Variants in KDM4B observed in about 807,000 individuals in gnomAD.
KDM4B encodes lysine demethylase 4B.
A neutral mutation model predicts 125.2 loss-of-function variants in KDM4B; 32 were observed. That is an observed-to-expected ratio of 0.26 (90% CI 0.19 to 0.34). KDM4B has a LOEUF of 0.34. KDM4B is among the 10% of genes least tolerant of loss of function. KDM4B has a pLI of 1.00. For synonymous variants in KDM4B, 721 were observed against 677.9 expected, an observed-to-expected ratio of 1.06 and a Z score of -0.99; for missense variants, 1,190 against 1,577.7, an observed-to-expected ratio of 0.75 and a Z score of 4.16.
intron 1 of KDM4B, among the ~76,000 whole-genome samples, chr19:5,015,846 C>T (rs769550359): frequency 5.9e-5 from 9 of 152,244 alleles, no homozygotes; most frequent in Non-Finnish European, 1.3e-4. Context: ...GCCCCCCTCT[C>T]TCCCCGTGCT....
chr19:5,145,892 T>A (rs2039832579), intron 21 of KDM4B, among the ~76,000 whole-genome samples: 1 of 152,158 alleles, frequency 6.6e-6, no homozygotes. Context: ...GGAGTTCAGC[T>A]CTTTACCACG....
intron 1 of KDM4B, among the ~76,000 whole-genome samples, chr19:4,982,334 C>T (rs2034669790): frequency 6.6e-6 from 1 of 150,420 alleles, no homozygotes. Flanking sequence ...TGCCTGTAAT[C>T]CCAGCTACTC....
At chr19:4,999,182 C>T (rs2035292557) in intron 1 of KDM4B, among the ~76,000 whole-genome samples, 1 of 152,154 alleles carries the variant, frequency 6.6e-6, no homozygotes, top group Non-Finnish European at 1.5e-5. Flanking sequence ...GGACAGCTGT[C>T]CCTTGTTCCT....
Position 5,060,433 on chromosome 19 carries a change from C to CAAAAAAAAAAAAAAA in KDM4B, c.627-10561_627-10547dup, listed in dbSNP as rs901472663. On this transcript the variant is annotated intron_variant, in intron 6 of 22. Transcript: ENST00000159111. The stretch of plus-strand genomic sequence containing the variant: ...GGGTGACGGAGGAAGACTCTGTCTC[C>CAAAAAAAAAAAAAAA]AAAAAAAAAAAAAAAAAAAAAAAAA... Among the ~76,000 whole-genome samples the CAAAAAAAAAAAAAAA allele has an allele frequency of 8.2e-4, 27 of 32,976 alleles. 4 individuals carry two copies. Among genetic ancestry groups the CAAAAAAAAAAAAAAA allele is most frequent in the Middle Eastern group, 0.023 (1 of 44 alleles). 21.6% of individuals were successfully genotyped at this position (32,976 alleles called of 152,430 possible). A position where few individuals can be genotyped will look rare whatever the true frequency, so the allele number is the denominator to read the frequency against.
chr19:4,991,173 A>C (rs1470966168), intron 1 of KDM4B, among the ~76,000 whole-genome samples: 1 of 152,148 alleles, frequency 6.6e-6, no homozygotes, highest in African/African-American at 2.4e-5. Flanking sequence ...GAATTTGACT[A>C]CACAGAAAGG....
intron 1 of KDM4B, among the ~76,000 whole-genome samples, chr19:5,009,224 C>T (rs944330620): frequency 1.3e-5 from 2 of 152,072 alleles, no homozygotes; most frequent in Non-Finnish European, 2.9e-5. Context: ...CTATTCCCTG[C>T]TTCCTTTATT....
At chr19:5,147,492 C>T (rs891077194) in intron 21 of KDM4B, among the ~76,000 whole-genome samples, 2 of 152,142 alleles carry the variant, frequency 1.3e-5, no homozygotes, top group East Asian at 1.9e-4. Flanking sequence ...ATGCTGTGAT[C>T]GCAGCACTGT....
intron 6 of KDM4B, among the ~76,000 whole-genome samples, chr19:5,051,164 C>T (rs1412057900): frequency 1.3e-5 from 2 of 152,212 alleles, no homozygotes; most frequent in Non-Finnish European, 2.9e-5. Context: ...AGTTCCAGGC[C>T]GGGGTGGGAG....
intron 1 of KDM4B, among the ~76,000 whole-genome samples, chr19:4,976,696 G>A (rs2034458580): frequency 6.6e-6 from 1 of 152,244 alleles, no homozygotes; most frequent in Non-Finnish European, 1.5e-5. Flanking sequence ...GCCTCATGAG[G>A]GAGGTGGCTT....
At chr19:5,097,242 C>T (rs1301961788) in intron 9 of KDM4B, among the ~76,000 whole-genome samples, 1 of 152,158 alleles carries the variant, frequency 6.6e-6, no homozygotes, top group Non-Finnish European at 1.5e-5. Context: ...GCCATCCAGG[C>T]TTCGTGGTTT....
intron 11 of KDM4B, among the ~76,000 whole-genome samples, chr19:5,123,023 C>G (rs1344122235): frequency 2.6e-5 from 4 of 152,244 alleles, no homozygotes; most frequent in African/African-American, 7.2e-5. Flanking sequence ...GGAGAGACCC[C>G]CTGCTGGTGG....
At chr19:5,102,044 C>T (rs1487150872) in intron 9 of KDM4B, among the ~76,000 whole-genome samples, 1 of 152,152 alleles carries the variant, frequency 6.6e-6, no homozygotes. Context: ...GCAGTCCTCG[C>T]GCAGACCTCC....
chr19:5,094,944 C>T (rs913673994), intron 9 of KDM4B, among the ~76,000 whole-genome samples: 1 of 152,138 alleles, frequency 6.6e-6, no homozygotes, highest in Non-Finnish European at 1.5e-5. Context: ...TGTCACCGTG[C>T]AGCTGATGCG....
Position 5,082,220 on chromosome 19 carries a change from CCTGGAGCCG to C in KDM4B, c.781-141_781-133del. The C allele has an allele frequency of 3.4e-6, 3 of 881,112 alleles. No individual in the cohort carries two copies. Among genetic ancestry groups the C allele is most frequent in the Non-Finnish European group, 5.1e-6 (3 of 589,418 alleles). 54.6% of individuals were successfully genotyped at this position (881,112 alleles called of 1,614,324 possible). ...GGAAATGGGCTGGAGCCCTGGAGCC[CCTGGAGCCG>C]CTGGATCACCTTTGACTTTGTGAAA... On this transcript the variant is annotated intron_variant, in intron 8 of 22. Coordinates refer to ENST00000159111, the MANE Select transcript of KDM4B (RefSeq NM_015015.3). This position sits in a 1 kb window ranked among gnomAD's most constrained non-coding sequence, Gnocchi z 5.4.
chr19:5,031,170 G>T (rs1409308897), intron 2 of KDM4B, among the ~76,000 whole-genome samples: 1 of 152,236 alleles, frequency 6.6e-6, no homozygotes, highest in Non-Finnish European at 1.5e-5. Flanking sequence ...TGCAGCGTTG[G>T]GGGGATCCTG....
At chr19:5,130,066 C>T (rs976619503) in intron 11 of KDM4B, among the ~76,000 whole-genome samples, 3 of 152,182 alleles carry the variant, frequency 2.0e-5, no homozygotes, top group East Asian at 1.9e-4. Context: ...TCCCTCAGCT[C>T]GAGTCCCTTC....
At chr19:5,131,661 A>AGCGGGGGAGG in intron 12 of KDM4B, 116 bp downstream of exon 12, 1 of 191,684 alleles carries the variant, frequency 5.2e-6, no homozygotes, top group Non-Finnish European at 8.8e-6. Flanking sequence ...GGAGGAGGGG[A>AGCGGGGGAGG]CAGGAGGGCT....
chr19:5,086,510 C>T (rs1293601981), intron 9 of KDM4B, among the ~76,000 whole-genome samples: 4 of 152,338 alleles, frequency 2.6e-5, no homozygotes, highest in South Asian at 2.1e-4. Flanking sequence ...GTGGCGTCTG[C>T]GTCTGCTTCG....
At chr19:4,979,794 A>G (rs184920916) in intron 1 of KDM4B, among the ~76,000 whole-genome samples, 4 of 152,292 alleles carry the variant, frequency 2.6e-5, no homozygotes, top group Non-Finnish European at 4.4e-5. Flanking sequence ...ATACTATGAA[A>G]TTCATCTTCT....
Sources: allele counts gnomAD v4.1 joint callset (sites outside exome capture counted in the v4.1 genomes callset), GRCh38; gene constraint gnomAD v4.1.1; non-coding constraint Gnocchi (gnomAD v3.1); transcripts MANE v1.5; gene names NCBI Gene and HGNC (gene_info 2026-07-23, HGNC 2026-07-21).